Variants in TMOD1 observed in about 807,000 individuals in gnomAD.
The protein encoded by TMOD1 is tropomodulin 1, also known as tropomodulin-1.
A neutral mutation model predicts 40.6 loss-of-function variants in TMOD1; 17 were observed. The observed-to-expected ratio is 0.42, with a 90% confidence interval of 0.29 to 0.63. The LOEUF (loss-of-function observed/expected upper bound fraction) is 0.63, where lower values mean the gene tolerates loss of function less well. Ranked by LOEUF, TMOD1 falls within the 20% of genes least tolerant of loss-of-function variation. The pLI is 0.22. For missense variants in TMOD1, 391 were observed against 447.6 expected (o/e 0.87, Z 1.14); for synonymous variants, 181 against 175.0 (o/e 1.03, Z -0.27).
rs1367300111 is a variant in TMOD1, at chr9:97,513,311, T to C, written c.-48-10830T>C. On this transcript the variant is annotated intron_variant, in intron 1 of 9. Transcript: ENST00000259365. The surrounding 1 kb of genome is among the most constrained non-coding windows in gnomAD (Gnocchi z 4.1). The stretch of plus-strand genomic sequence containing the variant: ...CCCTTGGGAGAACATTCAGTCCGTG[T>C]CCTGCTCTCACTTTGCAGAAGAAAC... The C allele has an allele frequency of 6.6e-6, 1 of 152,302 alleles. No individual in the cohort carries two copies. Among genetic ancestry groups the C allele is most frequent in the Non-Finnish European group, 1.5e-5 (1 of 68,108 alleles). 9.4% of individuals were successfully genotyped at this position (152,302 alleles called of 1,614,324 possible). A position where few individuals can be genotyped will look rare whatever the true frequency, so the allele number is the denominator to read the frequency against.
intron 8 of TMOD1, among the ~76,000 whole-genome samples, chr9:97,580,803 A>G (rs1825733539): frequency 6.6e-6 from 1 of 152,100 alleles, no homozygotes; most frequent in Non-Finnish European, 1.5e-5. Flanking sequence ...AGCCAAGTTC[A>G]CTTGTCTCTT....
chr9:97,578,304 C>T (rs937772935), intron 8 of TMOD1, among the ~76,000 whole-genome samples: 18 of 152,182 alleles, frequency 1.2e-4, no homozygotes, highest in Admixed American at 5.2e-4. Context: ...CCGCCCGCCT[C>T]GGCCTCCCAA....
chr9:97,526,378 A>G (rs1198397151), intron 2 of TMOD1, among the ~76,000 whole-genome samples: 1 of 152,182 alleles, frequency 6.6e-6, no homozygotes, highest in African/African-American at 2.4e-5. Flanking sequence ...GTGGTTTAGC[A>G]AGTCACACTA....
chr9:97,507,636 A>C (rs1003952255), intron 1 of TMOD1, among the ~76,000 whole-genome samples: 4 of 152,234 alleles, frequency 2.6e-5, no homozygotes, highest in African/African-American at 9.6e-5. Context: ...CCTGAAGCCT[A>C]TTCAAAAGTC....
At chr9:97,526,800 C>T (rs574561028) in intron 2 of TMOD1, among the ~76,000 whole-genome samples, 3 of 152,146 alleles carry the variant, frequency 2.0e-5, no homozygotes, top group Non-Finnish European at 4.4e-5. Context: ...ACCTCAATGT[C>T]CCCAGCCATG....
rs538119053 is a variant in TMOD1 at position 97,513,602 on chromosome 9, C to T, written c.-48-10539C>T. On this transcript the variant is annotated intron_variant, in intron 1 of 9. Coordinates refer to ENST00000259365, the MANE Select transcript of TMOD1 (RefSeq NM_003275.4). The surrounding 1 kb of genome is among the most constrained non-coding windows in gnomAD (Gnocchi z 4.1). ...CTTATCTCCCCATGTTAATTATAAG[C>T]GCCTGAGAGCTAGGACTTCTTATTA... The T allele has an allele frequency of 1.1e-4, 17 of 152,250 alleles. No homozygotes were observed. Among genetic ancestry groups the T allele is most frequent in the African/African-American group, 3.9e-4 (16 of 41,538 alleles). The allele number at this position is 152,250 out of a possible 1,614,324, so 9.4% of individuals were successfully genotyped here. A position where few individuals can be genotyped will look rare whatever the true frequency, so the allele number is the denominator to read the frequency against.
chr9:97,532,492 A>T (rs573708245), intron 2 of TMOD1, among the ~76,000 whole-genome samples: 10 of 152,248 alleles, frequency 6.6e-5, no homozygotes, highest in African/African-American at 2.4e-4. Context: ...GCTGTTTCCT[A>T]TTTGATTTTG....
At chr9:97,555,549 C>T (rs1830523936) in intron 4 of TMOD1, 2 of 1,497,638 alleles carry the variant, frequency 1.3e-6, no homozygotes, top group Non-Finnish European at 1.8e-6. Context: ...ACGCAATATG[C>T]TGCCGAAGTC....
chr9:97,508,598 G>A (rs1278138456), intron 1 of TMOD1, among the ~76,000 whole-genome samples: 1 of 152,214 alleles, frequency 6.6e-6, no homozygotes, highest in African/African-American at 2.4e-5. Flanking sequence ...GGGATATTAT[G>A]TAAGCGTGAG....
At chr9:97,559,711 G>A (rs1830587703) in intron 4 of TMOD1, among the ~76,000 whole-genome samples, 1 of 144,248 alleles carries the variant, frequency 6.9e-6, no homozygotes, top group Admixed American at 7.3e-5. Context: ...GTTGCAGCGA[G>A]CCAAGATCAT....
chr9:97,569,133 T>A lies in TMOD1; in HGVS notation c.870+96T>A. The A allele has an allele frequency of 2.0e-6, 3 of 1,506,632 alleles. No individual in the cohort carries two copies. The Admixed American group carries it at 5.6e-5, about 28-fold the overall frequency. 93.3% of individuals were successfully genotyped at this position (1,506,632 alleles called of 1,614,324 possible). A position where few individuals can be genotyped will look rare whatever the true frequency, so the allele number is the denominator to read the frequency against. Reference sequence around the variant, plus strand: ...TGCTGGATGGAGCTGAGAATGCTGATGATAGAAGCTCAGAGCCCAGCTTTG... The same window carrying A: ...TGCTGGATGGAGCTGAGAATGCTGAAGATAGAAGCTCAGAGCCCAGCTTTG... On this transcript the variant is annotated intron_variant, in intron 8 of 9. Transcript: ENST00000259365.
At chr9:97,568,862 A>T in intron 7 of TMOD1, 32 bp from the exon 8 acceptor site, 1 of 1,611,082 alleles carries the variant, frequency 6.2e-7, no homozygotes, top group Non-Finnish European at 8.5e-7. Context: ...GGGGTGACTC[A>T]TGGGTATCCT....
At chr9:97,565,670 T>A (rs1336593608) in intron 6 of TMOD1, among the ~76,000 whole-genome samples, 178 bp from the exon 7 acceptor site, 2 of 152,214 alleles carry the variant, frequency 1.3e-5, no homozygotes, top group Non-Finnish European at 2.9e-5. Flanking sequence ...CTAAATCTGT[T>A]TACCAGAAAG....
intron 1 of TMOD1, among the ~76,000 whole-genome samples, chr9:97,503,555 AG>A (rs1829539272): frequency 6.6e-6 from 1 of 152,220 alleles, no homozygotes; most frequent in Non-Finnish European, 1.5e-5. Context: ...TTAATGAGCT[AG>A]TCTTACAAAC....
intron 4 of TMOD1, among the ~76,000 whole-genome samples, chr9:97,559,794 AATAT>A (rs1193457397): frequency 1.3e-4 from 3 of 23,178 alleles, no homozygotes; most frequent in Non-Finnish European, 2.3e-4. Context: ...AAAAAAAAAA[AATAT>A]ATATATATAT....
chr9:97,560,045 C>T (rs2131262483), intron 4 of TMOD1, among the ~76,000 whole-genome samples: 1 of 151,728 alleles, frequency 6.6e-6, no homozygotes, highest in Non-Finnish European at 1.5e-5. Context: ...GGGGCATGGT[C>T]AGGGCTGGAA....
intron 7 of TMOD1, 58 bp from the exon 8 acceptor site, chr9:97,568,836 G>A: frequency 6.2e-7 from 1 of 1,600,984 alleles, no homozygotes; most frequent in Non-Finnish European, 8.5e-7. Flanking sequence ...ACCCAGAGGG[G>A]CCTCCAGCCT....
intron 1 of TMOD1, among the ~76,000 whole-genome samples, chr9:97,507,368 C>A (rs951535770): frequency 6.6e-6 from 1 of 152,166 alleles, no homozygotes; most frequent in African/African-American, 2.4e-5. Flanking sequence ...AGCAACATTG[C>A]ACGCATTTGC....
intron 9 of TMOD1, among the ~76,000 whole-genome samples, chr9:97,598,147 G>T (rs928277679): frequency 1.3e-5 from 2 of 151,932 alleles, no homozygotes; most frequent in Non-Finnish European, 2.9e-5. Context: ...TAGCCAACAT[G>T]GTGAACCCCC....
Sources: allele counts gnomAD v4.1 joint callset (sites outside exome capture counted in the v4.1 genomes callset), GRCh38; gene constraint gnomAD v4.1.1; non-coding constraint Gnocchi (gnomAD v3.1); transcripts MANE v1.5; gene names NCBI Gene and HGNC (gene_info 2026-07-23, HGNC 2026-07-21).